Variants in CTNND2 observed in about 807,000 individuals in gnomAD.
CTNND2 encodes the protein catenin delta-2.
Under a neutral mutation model 144.4 loss-of-function variants are expected in CTNND2, and 22 were observed. That is an observed-to-expected ratio of 0.15 (90% CI 0.11 to 0.22). The LOEUF (loss-of-function observed/expected upper bound fraction) is 0.22. CTNND2 is among the 10% of genes least tolerant of loss of function. CTNND2 has a pLI of 1.00. For missense variants in CTNND2, 1,353 were observed against 1,618.8 expected (o/e 0.84, Z 2.82); for synonymous variants, 751 against 695.6 (o/e 1.08, Z -1.25).
intron 16 of CTNND2, among the ~76,000 whole-genome samples, chr5:11,051,119 A>G (rs1440334359): frequency 6.6e-6 from 1 of 152,262 alleles, no homozygotes; most frequent in African/African-American, 2.4e-5. Context: ...ATTCATTCTT[A>G]GTAAATTGCT....
At chr5:11,849,471 T>C (rs1396390470) in intron 1 of CTNND2, among the ~76,000 whole-genome samples, 1 of 152,138 alleles carries the variant, frequency 6.6e-6, no homozygotes, top group African/African-American at 2.4e-5. Context: ...AAATTCCACA[T>C]TTCCTAGTAC....
chr5:11,527,608 C>T (rs888965166), intron 3 of CTNND2, among the ~76,000 whole-genome samples: 3 of 152,200 alleles, frequency 2.0e-5, no homozygotes, highest in African/African-American at 7.2e-5. Flanking sequence ...ATGGCAGTTC[C>T]AAGGCATCTC....
intron 9 of CTNND2, among the ~76,000 whole-genome samples, chr5:11,336,651 T>C (rs1027240018): frequency 6.6e-6 from 1 of 152,202 alleles, no homozygotes; most frequent in Non-Finnish European, 1.5e-5. Flanking sequence ...GGATTACATG[T>C]ATATATAAAT....
chr5:11,731,673 G>GACTA (rs1399762320), intron 2 of CTNND2, among the ~76,000 whole-genome samples: 1 of 152,134 alleles, frequency 6.6e-6, no homozygotes, highest in African/African-American at 2.4e-5. Context: ...GGAAATTTTA[G>GACTA]ACTACATCCT....
intron 18 of CTNND2, among the ~76,000 whole-genome samples, chr5:10,995,800 G>A (rs907335161): frequency 2.0e-5 from 3 of 152,200 alleles, no homozygotes; most frequent in African/African-American, 7.2e-5. Flanking sequence ...ACTGCCCACA[G>A]AAACAGACTG....
At chr5:11,358,675 A>G (rs1441851221) in intron 8 of CTNND2, among the ~76,000 whole-genome samples, 1 of 152,238 alleles carries the variant, frequency 6.6e-6, no homozygotes, top group Non-Finnish European at 1.5e-5. Context: ...TTTTATGAAT[A>G]TGCAGGTCCT....
At chr5:11,504,862 C>T (rs966230600) in intron 3 of CTNND2, among the ~76,000 whole-genome samples, 1 of 152,160 alleles carries the variant, frequency 6.6e-6, no homozygotes, top group African/African-American at 2.4e-5. Flanking sequence ...CTGTAGCCTT[C>T]CTTGCTGAAG....
At chr5:11,512,385 A>C (rs1176748282) in intron 3 of CTNND2, among the ~76,000 whole-genome samples, 1 of 152,226 alleles carries the variant, frequency 6.6e-6, no homozygotes, top group South Asian at 2.1e-4. Context: ...TCCATTAACA[A>C]AATTTTTTAA....
intron 12 of CTNND2, among the ~76,000 whole-genome samples, chr5:11,158,093 A>G (rs938269282): frequency 1.1e-4 from 16 of 152,244 alleles, no homozygotes; most frequent in Non-Finnish European, 2.2e-4. Flanking sequence ...ATCAGAGAGC[A>G]TTTTAACAGA....
intron 11 of CTNND2, 56 bp downstream of exon 11, chr5:11,199,392 G>T (rs1176995242): frequency 2.7e-6 from 4 of 1,481,026 alleles, no homozygotes; most frequent in Non-Finnish European, 3.8e-6. Context: ...CCTCTGTGTT[G>T]GATAATGGAA....
chr5:11,069,820 C>T (rs1748055209), intron 16 of CTNND2, among the ~76,000 whole-genome samples: 1 of 152,104 alleles, frequency 6.6e-6, no homozygotes, highest in Admixed American at 6.5e-5. Flanking sequence ...AACTTCTGAG[C>T]CTAATGGTAG....
chr5:11,008,578 C>T (rs915798775), intron 18 of CTNND2, among the ~76,000 whole-genome samples: 1 of 152,146 alleles, frequency 6.6e-6, no homozygotes, highest in Non-Finnish European at 1.5e-5. Flanking sequence ...ATGTAATTTT[C>T]TTATCGTCTC....
chr5:11,521,633 A>C (rs1238182901), intron 3 of CTNND2, among the ~76,000 whole-genome samples: 2 of 152,200 alleles, frequency 1.3e-5, no homozygotes, highest in Non-Finnish European at 2.9e-5. Context: ...TCTGGTTCTA[A>C]AACAGTATCC....
intron 1 of CTNND2, among the ~76,000 whole-genome samples, chr5:11,818,810 C>T (rs1793156141): frequency 6.6e-6 from 1 of 152,172 alleles, no homozygotes; most frequent in Non-Finnish European, 1.5e-5. Context: ...GCTCCTCTGC[C>T]AGGTAACATG....
intron 3 of CTNND2, among the ~76,000 whole-genome samples, chr5:11,457,829 T>C (rs1298547476): frequency 6.6e-6 from 1 of 152,202 alleles, no homozygotes; most frequent in Non-Finnish European, 1.5e-5. Context: ...CCATGACAGC[T>C]GTTGACTGCA....
At chr5:11,439,979 T>A (rs371945286) in intron 3 of CTNND2, among the ~76,000 whole-genome samples, 1 of 151,970 alleles carries the variant, frequency 6.6e-6, no homozygotes, top group Non-Finnish European at 1.5e-5. Flanking sequence ...TGGTCCACAC[T>A]GGGACATTTC....
chr5:11,086,367 C>A (rs1750144154), intron 15 of CTNND2, among the ~76,000 whole-genome samples: 1 of 152,066 alleles, frequency 6.6e-6, no homozygotes, highest in South Asian at 2.1e-4. Context: ...GGACACCACA[C>A]CCCCATCCTC....
intron 5 of CTNND2, among the ~76,000 whole-genome samples, chr5:11,401,207 C>T (rs1191541469): frequency 2.0e-5 from 3 of 152,204 alleles, no homozygotes; most frequent in Admixed American, 6.5e-5. Flanking sequence ...ATAACACAGA[C>T]ACAATATGGC....
chr5:11,737,249 C>T lies in CTNND2; in HGVS notation c.38-4977G>A, dbSNP rs78624728. Among the ~76,000 whole-genome samples, 242 of 152,306 alleles carry T rather than the reference C, an allele frequency of 1.6e-3. 4 individuals carry two copies. The East Asian group carries it at 0.039, about 25-fold the overall frequency. On this transcript the variant is annotated intron_variant, in intron 1 of 21. Transcript: ENST00000304623. ...CACGGATCTCCATTATCCTCTCAGG[C>T]TTTTGCCAACCTGATATAGAAAAAT... is the stretch of plus-strand genomic sequence containing the variant.
Sources: gnomAD v4.1 joint callset for allele counts (sites outside exome capture counted in the v4.1 genomes callset) on GRCh38, gnomAD v4.1.1 for gene constraint, MANE v1.5 for transcripts, NCBI Gene and HGNC (gene_info 2026-07-23, HGNC 2026-07-21) for gene names.